ACADSB: variants seen among roughly 807,000 people sequenced by gnomAD.
ACADSB encodes acyl-CoA dehydrogenase short/branched chain, also known as short/branched chain specific acyl-CoA dehydrogenase, mitochondrial.
In ACADSB, 40 loss-of-function variants were observed where a neutral mutation model predicts 54.1. The observed-to-expected ratio is 0.74, with a 90% CI of 0.57 to 0.96. The LOEUF is 0.96. Ranked by LOEUF, ACADSB falls within the 40% of genes least tolerant of loss-of-function variation. ACADSB has a pLI of 0.00. For synonymous variants in ACADSB, 182 were observed against 182.8 expected (o/e 1.00, Z 0.03); for missense variants, 530 against 510.4 (o/e 1.04, Z -0.37).
intron 1 of ACADSB, among the ~76,000 whole-genome samples, chr10:123,024,440 C>T (rs1181242852): frequency 6.6e-6 from 1 of 152,214 alleles, no homozygotes; most frequent in Non-Finnish European, 1.5e-5. Flanking sequence ...CAGAAACCTG[C>T]AGTTGCCTCC....
At chr10:123,048,500 A>G (rs1850589453) in intron 8 of ACADSB, among the ~76,000 whole-genome samples, 1 of 152,156 alleles carries the variant, frequency 6.6e-6, no homozygotes, top group Admixed American at 6.5e-5. Flanking sequence ...GCTACCACAA[A>G]GATTGCAGTG....
At chr10:123,050,966 T>C in intron 8 of ACADSB, 83 bp from the exon 9 acceptor site, 1 of 1,455,144 alleles carries the variant, frequency 6.9e-7, no homozygotes, top group East Asian at 2.4e-5. Context: ...TCTGTCAGTG[T>C]TGTGTATCTA....
In ACADSB at chr10:123,047,267, T is replaced by C; in HGVS notation, c.959T>C (p.Ile320Thr). 1.2e-6 allele frequency: 2 copies of C among 1,607,752 alleles called. No homozygotes were observed. Among genetic ancestry groups the C allele is most frequent in the Non-Finnish European group, 1.7e-6 (2 of 1,174,120 alleles). Residue 320 changes from isoleucine (I) to threonine (T), a missense_variant, in exon 8 of 11, where the codon ATA becomes ACA. Coordinates refer to ENST00000358776, the MANE Select transcript of ACADSB (RefSeq NM_001609.4). ...DYTIPYIKER[I>T]QFGKRLFDFQ... Reference sequence around the variant, plus strand: ...ACTATTCCATATATTAAAGAAAGGATACAATTTGGCAAAAGACTATTTGAT... The same window carrying C: ...ACTATTCCATATATTAAAGAAAGGACACAATTTGGCAAAAGACTATTTGAT...
At chr10:123,025,998 G>C (rs370054132) in intron 1 of ACADSB, among the ~76,000 whole-genome samples, 1 of 152,070 alleles carries the variant, frequency 6.6e-6, no homozygotes, top group South Asian at 2.1e-4. Context: ...GCAGTTCTTG[G>C]GGGGAGGTTG....
intron 1 of ACADSB, among the ~76,000 whole-genome samples, chr10:123,018,139 T>C (rs541997672): frequency 6.6e-6 from 1 of 152,272 alleles, no homozygotes; most frequent in Non-Finnish European, 1.5e-5. Context: ...TTCAGCTGGT[T>C]TGGGGGGCCT....
chr10:123,030,687 T>C (rs1251973078), intron 1 of ACADSB, among the ~76,000 whole-genome samples: 1 of 152,168 alleles, frequency 6.6e-6, no homozygotes, highest in Non-Finnish European at 1.5e-5. Context: ...AGCTTCTAGG[T>C]TTAAAGCACT....
chr10:123,054,475 T>C lies in ACADSB; in HGVS notation c.*710T>C, dbSNP rs572539179. ...TGGCATCAGGGAAATATTTGTTACATAGTAGGCAATTTTTATCCAGTACTT... is the reference window on the plus strand; with the variant it reads ...TGGCATCAGGGAAATATTTGTTACACAGTAGGCAATTTTTATCCAGTACTT... On this transcript the variant is annotated 3_prime_UTR_variant, in exon 11 of 11. Transcript: ENST00000358776. 3.3e-5 allele frequency: 5 copies of C among 152,326 alleles called. No individual in the cohort carries two copies. The highest frequency in any genetic ancestry group is 2.1e-4 in the South Asian group (1 of 4,832). 9.4% of individuals were successfully genotyped at this position (152,326 alleles called of 1,614,324 possible).
chr10:123,018,365 C>T (rs1368616003), intron 1 of ACADSB, among the ~76,000 whole-genome samples: 1 of 152,092 alleles, frequency 6.6e-6, no homozygotes, highest in East Asian at 1.9e-4. Context: ...CTTGTCTTGG[C>T]TTATTTAACC....
intron 3 of ACADSB, among the ~76,000 whole-genome samples, chr10:123,038,713 T>C (rs982440660): frequency 2.6e-5 from 4 of 152,244 alleles, no homozygotes; most frequent in African/African-American, 9.6e-5. Flanking sequence ...GTTTTATTTA[T>C]TTCTGTTTTA....
chr10:123,017,438 C>T (rs1850122432), intron 1 of ACADSB, among the ~76,000 whole-genome samples: 1 of 152,324 alleles, frequency 6.6e-6, no homozygotes, highest in East Asian at 1.9e-4. Flanking sequence ...CTGCCTCAGC[C>T]TCCCAAGCAG....
chr10:123,051,194 A>G lies in ACADSB; in HGVS notation c.1128+8A>G. 1 of 1,049,068 alleles carries G rather than the reference A, an allele frequency of 9.5e-7. No homozygotes were observed. Among genetic ancestry groups the G allele is most frequent in the Non-Finnish European group, 1.3e-6 (1 of 781,934 alleles). The allele number at this position is 1,049,068 out of a possible 1,614,324, so 65.0% of individuals were successfully genotyped here. A position where few individuals can be genotyped will look rare whatever the true frequency, so the allele number is the denominator to read the frequency against. ...AAATACTATGCATCAGAGGTAAAAA[A>G]AAAAAAAAAAAAAAAAAAGGAAAAA... On this transcript the variant is annotated splice_region_variant and intron_variant, in intron 9 of 10. Transcript: ENST00000358776.
At chr10:123,041,595 A>G (rs755833740) in intron 5 of ACADSB, among the ~76,000 whole-genome samples, 4 of 152,204 alleles carry the variant, frequency 2.6e-5, no homozygotes, top group Non-Finnish European at 5.9e-5. Context: ...GGCCCACCAT[A>G]TCTGTGGATT....
intron 1 of ACADSB, among the ~76,000 whole-genome samples, chr10:123,026,274 C>T (rs1398547869): frequency 6.6e-6 from 1 of 152,170 alleles, no homozygotes; most frequent in Non-Finnish European, 1.5e-5. Flanking sequence ...ATTATTTAAA[C>T]TTAAACCGAG....
chr10:123,027,517 TTTTCTGCTGCTGCTATG>T (rs1255538048), intron 1 of ACADSB: 7 of 455,364 alleles, frequency 1.5e-5, no homozygotes, highest in African/African-American at 1.4e-4. Context: ...TTCTTTCTCA[TTTTCTGCTGCTGCTATG>T]TAAGAAGTGC....
chr10:123,040,595 T>A lies in ACADSB; in HGVS notation c.433T>A (p.Leu145Ile), dbSNP rs1450977477. 2.5e-6 allele frequency: 4 copies of A among 1,613,948 alleles called. No individual in the cohort carries two copies. In the East Asian group the frequency reaches 6.7e-5, roughly 27 times the overall value. Residue 145 changes from leucine (L) to isoleucine (I), a missense_variant, in exon 4 of 11, where the codon TTA becomes ATA. By Grantham distance (5) the Leu-to-Ile change is conservative (BLOSUM62 2). Transcript: ENST00000358776. ...TGTCTTTTGTGAGATCCAGAACACA[T>A]TAATTAACACACTGATTAGAAAACA... The part of the protein sequence containing the change: ...VAVFCEIQNT[L>I]INTLIRKHGT...
Position 123,056,600 on chromosome 10 carries a change from C to A in ACADSB, c.*2835C>A, listed in dbSNP as rs565961937. ...AGACCCCCTGTGTGGCCTGAGTCCC[C>A]TCAGGAGGAAGGTGGACAACAGAGA... On this transcript the variant is annotated 3_prime_UTR_variant, in exon 11 of 11. Coordinates refer to ENST00000358776, the MANE Select transcript of ACADSB (RefSeq NM_001609.4). 1.2e-4 allele frequency: 18 copies of A among 152,302 alleles called. No individual in the cohort carries two copies. Among genetic ancestry groups the A allele is most frequent in the African/African-American group, 4.3e-4 (18 of 41,542 alleles). The allele number at this position is 152,302 out of a possible 1,614,324, so 9.4% of individuals were successfully genotyped here. A position where few individuals can be genotyped will look rare whatever the true frequency, so the allele number is the denominator to read the frequency against.
chr10:123,030,414 C>A (rs1217682185), intron 1 of ACADSB, among the ~76,000 whole-genome samples: 1 of 150,700 alleles, frequency 6.6e-6, no homozygotes, highest in Non-Finnish European at 1.5e-5. Flanking sequence ...GTAATCCTAG[C>A]TATTTGGGAG....
chr10:123,030,999 A>G (rs9423322), intron 1 of ACADSB, among the ~76,000 whole-genome samples: 2,347 of 152,340 alleles, frequency 0.015, 56 homozygotes, highest in East Asian at 0.12. Context: ...GTGATATAGT[A>G]ATGTGTGTTT....
intron 1 of ACADSB, among the ~76,000 whole-genome samples, chr10:123,017,523 G>A (rs534435314): frequency 8.5e-5 from 13 of 152,122 alleles, no homozygotes; most frequent in Non-Finnish European, 1.8e-4. Context: ...TTACCATCTT[G>A]GTCAGGCTGG....
Sources: allele counts gnomAD v4.1 joint callset (sites outside exome capture counted in the v4.1 genomes callset), GRCh38; gene constraint gnomAD v4.1.1; transcripts MANE v1.5; gene names NCBI Gene and HGNC (gene_info 2026-07-23, HGNC 2026-07-21).